RBM4B: variants seen among roughly 807,000 people sequenced by gnomAD.
RBM4B encodes RNA binding motif protein 4B, also known as RNA-binding protein 4B.
Under a neutral mutation model 28.5 loss-of-function variants are expected in RBM4B, and 13 were observed. The ratio of observed to expected loss-of-function variants is 0.46; its 90% confidence interval spans 0.30 to 0.72. The LOEUF (loss-of-function observed/expected upper bound fraction) is 0.72. Among genes scored for constraint, RBM4B ranks in the 30% least tolerant of loss-of-function variants. The pLI, the probability that RBM4B is intolerant of heterozygous loss-of-function variation, is 0.09. For missense variants in RBM4B, 387 were observed against 477.6 expected (o/e 0.81, Z 1.77); for synonymous variants, 167 against 179.1 (o/e 0.93, Z 0.54).
chr11:66,674,686 G>C (rs1939587412), intron 2 of RBM4B, among the ~76,000 whole-genome samples: 1 of 151,784 alleles, frequency 6.6e-6, no homozygotes, highest in Non-Finnish European at 1.5e-5. Flanking sequence ...TCCTGTCTCA[G>C]CCTCCCGAGT....
At chr11:66,670,475 T>C (rs2135240365) in intron 2 of RBM4B, among the ~76,000 whole-genome samples, 1 of 152,248 alleles carries the variant, frequency 6.6e-6, no homozygotes, top group South Asian at 2.1e-4. Context: ...CCATTTTGGC[T>C]TCCAGGAAAT....
rs1188793728 is a variant in RBM4B, at chr11:66,676,690, G to A, written c.390C>T (p.Gly130=). The A allele has an allele frequency of 1.9e-6, 3 of 1,613,844 alleles. No homozygotes were observed. Among genetic ancestry groups the A allele is most frequent in the Admixed American group, 1.7e-5 (1 of 59,986 alleles). The change falls in exon 2 of 4, where the codon GGC becomes GGT. Residue 130 remains glycine (G), a synonymous_variant. Transcript: ENST00000310046. ...CACCTTGAAACTCTGTGTTGTCAAG[G>A]CCCCTGATGGCCTCCACTGCATCCT... The part of the protein sequence containing the change: ...RAEDAVEAIR[G]LDNTEFQGKR...
chr11:66,673,737 A>G (rs879529611), intron 2 of RBM4B, among the ~76,000 whole-genome samples: 3 of 152,246 alleles, frequency 2.0e-5, no homozygotes, highest in Non-Finnish European at 2.9e-5. Context: ...CTGGGATTAC[A>G]GGAGTGAGCC....
At chr11:66,669,931 T>C (rs1378811496) in intron 2 of RBM4B, among the ~76,000 whole-genome samples, 1 of 152,252 alleles carries the variant, frequency 6.6e-6, no homozygotes, top group East Asian at 1.9e-4. Flanking sequence ...TTATTACTTG[T>C]AATGATTCAA....
chr11:66,669,355 C>G, intron 2 of RBM4B, 64 bp from the exon 3 acceptor site: 2 of 1,494,630 alleles, frequency 1.3e-6, no homozygotes, highest in South Asian at 2.4e-5. Flanking sequence ...CCTCTCCTCC[C>G]CAAATGAAAG....
At position 66,676,708 on chromosome 11, in the gene RBM4B, T is replaced by G. The variant is rs111334132; in HGVS notation, c.372A>C (p.Ala124=). The change falls in exon 2 of 4, where the codon GCA becomes GCC. Residue 124 remains alanine (A), a synonymous_variant. Coordinates refer to ENST00000310046, the MANE Select transcript of RBM4B (RefSeq NM_031492.4). ...TGTCAAGGCCCCTGATGGCCTCCAC[T>G]GCATCCTCTGCCCGCTCCATGTGTA... ...AFVHMERAED[A]VEAIRGLDNT... 1 of 1,614,084 alleles carries G rather than the reference T, an allele frequency of 6.2e-7. No individual in the cohort carries two copies. Among genetic ancestry groups the G allele is most frequent in the East Asian group, 2.2e-5 (1 of 44,878 alleles).
chr11:66,665,991 A>G, intron 3 of RBM4B: 2 of 1,473,168 alleles, frequency 1.4e-6, no homozygotes, highest in Non-Finnish European at 1.8e-6. Context: ...GAATTGCACT[A>G]TTCTAAATGT....
At chr11:66,673,936 G>A (rs1016537982) in intron 2 of RBM4B, among the ~76,000 whole-genome samples, 1 of 152,140 alleles carries the variant, frequency 6.6e-6, no homozygotes, top group African/African-American at 2.4e-5. Flanking sequence ...TTATAAAAAC[G>A]TCTCTATAAC....
At chr11:66,665,966 G>A in intron 3 of RBM4B, 5 of 1,523,840 alleles carry the variant, frequency 3.3e-6, no homozygotes, top group Non-Finnish European at 4.4e-6. Context: ...AAGATGCTGA[G>A]ATGTCATATA....
chr11:66,671,030 G>A (rs1313292777), intron 2 of RBM4B: 6 of 702,426 alleles, frequency 8.5e-6, no homozygotes, highest in Non-Finnish European at 1.6e-5. Flanking sequence ...ACAGTGCCAT[G>A]CACTGACCCT....
At chr11:66,674,177 CTT>C (rs926208528) in intron 2 of RBM4B, among the ~76,000 whole-genome samples, 5 of 124,420 alleles carry the variant, frequency 4.0e-5, no homozygotes, top group Admixed American at 8.0e-5. Context: ...ATTTTTTTTT[CTT>C]TTTTTTTTTT....
chr11:66,672,511 G>T (rs905448442), intron 2 of RBM4B, among the ~76,000 whole-genome samples: 3 of 150,776 alleles, frequency 2.0e-5, no homozygotes, highest in African/African-American at 4.9e-5. Flanking sequence ...TTTTTGGGGG[G>T]GGGGGACAGA....
intron 2 of RBM4B, chr11:66,670,831 C>T (rs976944108): frequency 5.7e-5 from 35 of 618,780 alleles, no homozygotes; most frequent in Non-Finnish European, 8.4e-5. Context: ...AAATGGAAAA[C>T]GCAGTCAGTA....
intron 1 of RBM4B, 67 bp from the exon 2 acceptor site, chr11:66,677,158 T>C: frequency 6.5e-7 from 1 of 1,550,128 alleles, no homozygotes; most frequent in Non-Finnish European, 8.8e-7. Context: ...ACTGCAGCAT[T>C]TTCGTCTAAT....
chr11:66,671,055 T>C (rs1194929447), intron 2 of RBM4B: 1 of 701,778 alleles, frequency 1.4e-6, no homozygotes, highest in Non-Finnish European at 2.6e-6. Context: ...GGGGAGCGGG[T>C]TAGTGTGGCA....
At chr11:66,666,231 T>A in intron 3 of RBM4B, 2 of 939,830 alleles carry the variant, frequency 2.1e-6, no homozygotes, top group South Asian at 5.6e-5. Flanking sequence ...TGATGGGAAC[T>A]CCAGACACCA....
intron 3 of RBM4B, 191 bp from the exon 4 acceptor site, chr11:66,665,769 C>G: frequency 3.1e-6 from 4 of 1,307,108 alleles, no homozygotes; most frequent in Non-Finnish European, 4.2e-6. Flanking sequence ...ATATAGGAAT[C>G]CACTTATGGC....
intron 3 of RBM4B, chr11:66,666,302 G>C: frequency 9.4e-7 from 1 of 1,065,408 alleles, no homozygotes; most frequent in Non-Finnish European, 1.1e-6. Flanking sequence ...ACAGACAAAG[G>C]GCCAAATCTT....
rs141056013 is a variant in RBM4B at position 66,676,597 on chromosome 11, T to C, written c.412+71A>G. 3.3e-6 allele frequency: 5 copies of C among 1,534,108 alleles called. No individual in the cohort carries two copies. In the East Asian group the frequency reaches 6.8e-5, roughly 21 times the overall value. On this transcript the variant is annotated intron_variant, in intron 2 of 3. Transcript: ENST00000310046. ...GGAAGAGACCACCCAGCAAGTTCTA[T>C]AGTCTTGTGTTCTTGCCTGTTTTGA...
Sources: gnomAD v4.1 joint callset for allele counts (sites outside exome capture counted in the v4.1 genomes callset) on GRCh38, gnomAD v4.1.1 for gene constraint, MANE v1.5 for transcripts, NCBI Gene and HGNC (gene_info 2026-07-23, HGNC 2026-07-21) for gene names.